Variants in OTOG observed in about 807,000 individuals in gnomAD.
OTOG encodes otogelin.
In OTOG, 296 loss-of-function variants were observed where a neutral mutation model predicts 313.8. The observed-to-expected ratio is 0.94, with a 90% CI of 0.86 to 1.04. The LOEUF (loss-of-function observed/expected upper bound fraction) is 1.04. Among genes scored for constraint, OTOG ranks in the 50% least tolerant of loss-of-function variants. OTOG has a pLI of 0.00. For missense variants in OTOG, 3,948 were observed against 3,840.1 expected (o/e 1.03, Z -0.74); for synonymous variants, 1,533 against 1,554.9 (o/e 0.99, Z 0.33).
At chr11:17,605,555 G>T (rs1381709849) in intron 32 of OTOG, among the ~76,000 whole-genome samples, 1 of 152,196 alleles carries the variant, frequency 6.6e-6, no homozygotes, top group Non-Finnish European at 1.5e-5. Flanking sequence ...CATGTTTGCA[G>T]AAGGAGGGAA....
rs876657555 is a variant in OTOG at position 17,610,603 on chromosome 11, A to G, written c.5303A>G (p.Glu1768Gly). The G allele has an allele frequency of 5.8e-6, 9 of 1,550,406 alleles. No individual in the cohort carries two copies. In the Admixed American group the frequency reaches 1.8e-4, roughly 30 times the overall value. The change falls in exon 36 of 56, where the codon GAG (glutamate) becomes GGG (glycine). Residue 1768 changes from glutamate (E) to glycine (G), a missense_variant. By Grantham distance (98) the Glu-to-Gly change is moderately conservative (BLOSUM62 -2). Coordinates refer to ENST00000399397, the MANE Select transcript of OTOG (RefSeq NM_001292063.2). ...MATRSPALPP[E>G]TPAAASLSTA... ...ACCAGGTCTCCAGCTCTGCCCCCAG[A>G]GACCCCAGCTGCCGCCAGCCTGTCA...
At chr11:17,602,095 A>G in intron 31 of OTOG, 115 bp from the exon 32 acceptor site, 2 of 1,147,016 alleles carry the variant, frequency 1.7e-6, no homozygotes, top group Admixed American at 2.4e-5. Flanking sequence ...CACCATCAAG[A>G]GTTCCTCCTT....
chr11:17,625,977 A>G (rs536889471), intron 39 of OTOG, among the ~76,000 whole-genome samples: 2 of 152,286 alleles, frequency 1.3e-5, no homozygotes, highest in East Asian at 1.9e-4. Flanking sequence ...TGATTCTCAT[A>G]TATGGTGAGA....
chr11:17,572,004 T>A, intron 17 of OTOG, 76 bp from the exon 18 acceptor site: 1 of 1,533,226 alleles, frequency 6.5e-7, no homozygotes, highest in Non-Finnish European at 8.8e-7. Context: ...AAGTAGGTGT[T>A]ACCTGGATCT....
At chr11:17,558,144 C>T in intron 8 of OTOG, 41 bp from the exon 9 acceptor site, 1 of 1,548,822 alleles carries the variant, frequency 6.5e-7, no homozygotes, top group Non-Finnish European at 8.7e-7. Flanking sequence ...ATCCACCCAA[C>T]CCCATCGCTG....
intron 30 of OTOG, among the ~76,000 whole-genome samples, chr11:17,597,447 A>G (rs553792187): frequency 7.9e-5 from 12 of 152,308 alleles, no homozygotes; most frequent in African/African-American, 2.6e-4. Flanking sequence ...GTTGACTCTG[A>G]GGACCAAACT....
In OTOG at chr11:17,605,893, C is replaced by G. The variant is rs1160699602; in HGVS notation, c.3914C>G (p.Pro1305Arg). Residue 1305 changes from proline to arginine, a missense_variant, in exon 33 of 56, where the codon CCC becomes CGC. Transcript: ENST00000399397. Reference protein sequence around the residue: ...DVVSLEAADRPNFFLHVTANG... With the variant: ...DVVSLEAADRRNFFLHVTANG... ...GTGTCCCTGGAGGCAGCAGACAGAC[C>G]CAACTTCTTCCTTCACGTCACAGCC... 4.5e-6 allele frequency: 7 copies of G among 1,549,662 alleles called. No individual in the cohort carries two copies. Among genetic ancestry groups the G allele is most frequent in the African/African-American group, 1.4e-5 (1 of 73,162 alleles).
chr11:17,638,103 T>C (rs1854306204), intron 47 of OTOG, among the ~76,000 whole-genome samples: 1 of 152,074 alleles, frequency 6.6e-6, no homozygotes, highest in Non-Finnish European at 1.5e-5. Flanking sequence ...GTGGGAAAGG[T>C]TGTGTTAGAC....
intron 52 of OTOG, 67 bp from the exon 53 acceptor site, chr11:17,642,060 A>G (rs1847986763): frequency 4.6e-6 from 7 of 1,514,760 alleles, no homozygotes; most frequent in Non-Finnish European, 5.3e-6. Flanking sequence ...AGGCTCCCAG[A>G]CCCTATGGGT....
At chr11:17,599,843 G>A in intron 31 of OTOG, 146 bp downstream of exon 31, 2 of 963,094 alleles carry the variant, frequency 2.1e-6, no homozygotes. Flanking sequence ...CATGCAGAGA[G>A]AGCCCTGACA....
At chr11:17,623,127 T>A (rs1853904617) in intron 39 of OTOG, among the ~76,000 whole-genome samples, 1 of 152,218 alleles carries the variant, frequency 6.6e-6, no homozygotes, top group Non-Finnish European at 1.5e-5. Flanking sequence ...TGTTTGCCAT[T>A]TGGATGTCTT....
chr11:17,599,554 A>T, intron 30 of OTOG, 117 bp from the exon 31 acceptor site: 1 of 1,107,968 alleles, frequency 9.0e-7, no homozygotes, highest in Non-Finnish European at 1.3e-6. Flanking sequence ...TGTGGGAGGC[A>T]GGCCAGGCCC....
At position 17,645,641 on chromosome 11, in the gene OTOG, C is replaced by A. The variant is rs1848060036; in HGVS notation, c.8539C>A (p.Pro2847Thr). Residue 2847 changes from proline (P) to threonine (T), a missense_variant and splice_region_variant, in exon 55 of 56, where the codon CCT becomes ACT. Transcript: ENST00000399397. ...CAAGAATGAATGCAGGAGCAGCACC[C>A]CTGTGCGTGGTGCCCACAAGGCAGT... ...IRKNECRSST[P>T]VNLVSCDGRC... 6.4e-7 allele frequency: 1 copy of A among 1,550,566 alleles called. No individual in the cohort carries two copies. Among genetic ancestry groups the A allele is most frequent in the Non-Finnish European group, 8.7e-7 (1 of 1,147,026 alleles).
intron 6 of OTOG, 44 bp from the exon 7 acceptor site, chr11:17,555,735 C>T (rs1019864675): frequency 2.7e-6 from 4 of 1,481,454 alleles, no homozygotes; most frequent in Non-Finnish European, 1.8e-6. Context: ...AGGGTCAGGC[C>T]TGTGGCAGGA....
In OTOG at chr11:17,611,299, C is replaced by T; in HGVS notation, c.5999C>T (p.Ala2000Val). The T allele has an allele frequency of 6.4e-7, 1 of 1,550,560 alleles. No individual in the cohort carries two copies. Among genetic ancestry groups the T allele is most frequent in the Non-Finnish European group, 8.7e-7 (1 of 1,147,012 alleles). The change falls in exon 36 of 56, where the codon GCA becomes GTA. Residue 2000 changes from alanine to valine, a missense_variant. Transcript: ENST00000399397. ...ACCTCGGCAGGGCCTCACCTGGCAG[C>T]AGAGCCGGTGGACGAGGCCACCACA... ...HGTSAGPHLA[A>V]EPVDEATTEP...
intron 36 of OTOG, among the ~76,000 whole-genome samples, chr11:17,611,957 A>C (rs527246673): frequency 6.6e-6 from 1 of 151,658 alleles, no homozygotes; most frequent in East Asian, 2.0e-4. Context: ...GTCTCAGGGA[A>C]TAGGTCCCTG....
At position 17,643,510 on chromosome 11, in the gene OTOG, A is replaced by G; in HGVS notation, c.8461+4A>G. The G allele has an allele frequency of 5.6e-6, 7 of 1,250,030 alleles. No individual in the cohort carries two copies. The highest frequency in any genetic ancestry group is 2.9e-5 in the Admixed American group (1 of 34,828). 77.4% of individuals were successfully genotyped at this position (1,250,030 alleles called of 1,614,324 possible). A position where few individuals can be genotyped will look rare whatever the true frequency, so the allele number is the denominator to read the frequency against. ...TTGGAAGGATGCTGCAGGACCTGTG[A>G]GTGAGCATGGTGGGGGCCCAGGGGT... On this transcript the variant is annotated splice_donor_region_variant and intron_variant, in intron 54 of 55. Coordinates refer to ENST00000399397, the MANE Select transcript of OTOG (RefSeq NM_001292063.2).
intron 30 of OTOG, among the ~76,000 whole-genome samples, chr11:17,597,883 C>T (rs1158968134): frequency 6.6e-6 from 1 of 152,238 alleles, no homozygotes; most frequent in Non-Finnish European, 1.5e-5. Context: ...TCCTCACACT[C>T]TGAGTCTCTT....
intron 33 of OTOG, among the ~76,000 whole-genome samples, chr11:17,607,658 C>T (rs1853421955): frequency 6.6e-6 from 1 of 152,246 alleles, no homozygotes. Context: ...GTGGTGCTCA[C>T]ACGACCTGCA....
Sources: gnomAD v4.1 joint callset for allele counts (sites outside exome capture counted in the v4.1 genomes callset) on GRCh38, gnomAD v4.1.1 for gene constraint, MANE v1.5 for transcripts, NCBI Gene and HGNC (gene_info 2026-07-23, HGNC 2026-07-21) for gene names.